Variants in CCDC171 observed in about 807,000 individuals in gnomAD.
The protein encoded by CCDC171 is coiled-coil domain containing 171.
Under a neutral mutation model 168.2 loss-of-function variants are expected in CCDC171, and 177 were observed. That is an observed-to-expected ratio of 1.05 (90% CI 0.93 to 1.19). CCDC171 has a LOEUF of 1.19. Ranked by LOEUF, CCDC171 falls within the 50% of genes most tolerant of loss-of-function variation. The pLI, the probability that CCDC171 is intolerant of heterozygous loss-of-function variation, is 0.00. For synonymous variants in CCDC171, 687 were observed against 540.8 expected, an observed-to-expected ratio of 1.27 and a Z score of -3.75; for missense variants, 1,991 against 1,539.0, an observed-to-expected ratio of 1.29 and a Z score of -4.91.
intron 23 of CCDC171, among the ~76,000 whole-genome samples, chr9:15,852,940 A>T (rs1273221638): frequency 6.6e-6 from 1 of 151,564 alleles, no homozygotes; most frequent in Non-Finnish European, 1.5e-5. Flanking sequence ...TGTTCCATTG[A>T]ATTGTATGTC....
intron 18 of CCDC171, among the ~76,000 whole-genome samples, chr9:15,746,444 G>T (rs995786794): frequency 6.6e-6 from 1 of 152,184 alleles, no homozygotes. Context: ...ATCGATGTTG[G>T]TAAGCAATGC....
chr9:15,673,564 T>C (rs757328600), intron 9 of CCDC171, among the ~76,000 whole-genome samples: 6 of 152,198 alleles, frequency 3.9e-5, no homozygotes, highest in Non-Finnish European at 5.9e-5. Context: ...TGAAGGGCTA[T>C]TGAGTTCTGT....
chr9:15,608,679 T>C (rs2131798665), intron 6 of CCDC171, among the ~76,000 whole-genome samples: 1 of 151,148 alleles, frequency 6.6e-6, no homozygotes, highest in African/African-American at 2.4e-5. Flanking sequence ...TGGCTGGGGG[T>C]GGTGGCTCCT....
At chr9:16,020,095 T>A (rs1156552001) in intron 3 of CCDC171, among the ~76,000 whole-genome samples, 2 of 152,162 alleles carry the variant, frequency 1.3e-5, no homozygotes, top group Non-Finnish European at 2.9e-5. Context: ...AAATTTAAAA[T>A]CCAAAAGCTC....
rs577786229 is a variant in CCDC171 at position 16,027,021 on chromosome 9, A to G, written n.998+4113A>G. 3.3e-5 allele frequency among the ~76,000 whole-genome samples: 5 copies of G among 152,314 alleles called. No individual in the cohort carries two copies. In the South Asian group the frequency reaches 1.0e-3, roughly 32 times the overall value. On this transcript the variant is annotated intron_variant and non_coding_transcript_variant, in intron 6 of 9. Coordinates refer to the CCDC171 transcript ENST00000486641. The stretch of plus-strand genomic sequence containing the variant: ...GGCCTATGCCTCGGGCTTATGAGCT[A>G]TCAGTTCTATGCCTTGATATTGCAC...
At chr9:15,703,143 C>T (rs1463845765) in intron 11 of CCDC171, among the ~76,000 whole-genome samples, 4 of 152,196 alleles carry the variant, frequency 2.6e-5, no homozygotes, top group East Asian at 3.9e-4. Flanking sequence ...TGACCTTAAG[C>T]GGTCTGCCCG....
chr9:16,089,495 G>C, the CCDC171 span, among the ~76,000 whole-genome samples: 1 of 151,234 alleles, frequency 6.6e-6, no homozygotes, highest in African/African-American at 2.4e-5. Flanking sequence ...TTCTTCTAGA[G>C]TTTTTATGGT....
intron 9 of CCDC171, among the ~76,000 whole-genome samples, chr9:15,677,925 T>TGTATATA (rs2049743945): frequency 2.4e-5 from 1 of 41,868 alleles, no homozygotes; most frequent in East Asian, 1.5e-3. Context: ...TATATATATA[T>TGTATATA]AAGAGATGTG....
chr9:15,612,961 C>G (rs1007870181), intron 6 of CCDC171, among the ~76,000 whole-genome samples: 5 of 152,124 alleles, frequency 3.3e-5, no homozygotes, highest in Non-Finnish European at 7.4e-5. Flanking sequence ...GTGGGTGGTC[C>G]TAGGCTCTGT....
rs376907295 is a variant in CCDC171, at chr9:15,745,571, G to T, written c.2611G>T (p.Asp871Tyr). The T allele has an allele frequency of 1.1e-5, 18 of 1,591,110 alleles. No individual in the cohort carries two copies. The African/African-American group carries it at 2.5e-4, about 22-fold the overall frequency. ...AGCGCTCAGTTGGCTCACCAGTTCTGACCTTCTTGCTGCAATAATCAGTTC... is the reference window on the plus strand; with the variant it reads ...AGCGCTCAGTTGGCTCACCAGTTCTTACCTTCTTGCTGCAATAATCAGTTC... ...LQALSWLTSS[D>Y]LLAAIISSMA... Residue 871 changes from aspartate (D) to tyrosine (Y), a missense_variant, in exon 18 of 26, where the codon GAC becomes TAC. Coordinates refer to ENST00000380701, the MANE Select transcript of CCDC171 (RefSeq NM_173550.4).
intron 24 of CCDC171, among the ~76,000 whole-genome samples, chr9:15,880,184 A>G (rs1185573248): frequency 6.6e-6 from 1 of 152,148 alleles, no homozygotes; most frequent in Non-Finnish European, 1.5e-5. Context: ...TTGCTTTCTA[A>G]GTCCATGACT....
chr9:15,777,946 T>C (rs1297232029), intron 19 of CCDC171, 120 bp downstream of exon 19: 2 of 658,254 alleles, frequency 3.0e-6, no homozygotes, highest in Admixed American at 3.6e-5. Flanking sequence ...TCTTTATAGT[T>C]CATGTAAAAT....
At chr9:15,645,675 AG>A (rs1196594636) in intron 7 of CCDC171, among the ~76,000 whole-genome samples, 1 of 152,200 alleles carries the variant, frequency 6.6e-6, no homozygotes, top group African/African-American at 2.4e-5. Context: ...AATGAAATGA[AG>A]TGATAAGAGA....
At chr9:15,695,955 G>T (rs1427131118) in intron 11 of CCDC171, among the ~76,000 whole-genome samples, 1 of 152,170 alleles carries the variant, frequency 6.6e-6, no homozygotes, top group Non-Finnish European at 1.5e-5. Flanking sequence ...GCTGGCTAAT[G>T]AATTCTGTTC....
chr9:15,751,315 A>G (rs963777428), intron 18 of CCDC171, among the ~76,000 whole-genome samples: 4 of 152,252 alleles, frequency 2.6e-5, no homozygotes, highest in Non-Finnish European at 5.9e-5. Context: ...GCTCATGGAT[A>G]GGAAGAATCA....
chr9:15,685,106 A>G (rs1473970699), intron 10 of CCDC171, among the ~76,000 whole-genome samples: 1 of 152,236 alleles, frequency 6.6e-6, no homozygotes, highest in Non-Finnish European at 1.5e-5. Context: ...GTTTAGAATT[A>G]TAGCGTTTGT....
chr9:15,680,187 T>C (rs1195023975), intron 10 of CCDC171, among the ~76,000 whole-genome samples: 1 of 152,234 alleles, frequency 6.6e-6, no homozygotes, highest in Non-Finnish European at 1.5e-5. Context: ...TAGATTCCAC[T>C]ATAGTACTTG....
At chr9:15,560,823 A>T (rs987075561) in intron 1 of CCDC171, among the ~76,000 whole-genome samples, 5 of 148,596 alleles carry the variant, frequency 3.4e-5, no homozygotes, top group Non-Finnish European at 3.0e-5. Flanking sequence ...TGATTTTTAG[A>T]ATTTTCAGCT....
chr9:15,588,580 G>A lies in CCDC171; in HGVS notation c.353-2786G>A, dbSNP rs984326343. 1.2e-5 allele frequency: 4 copies of A among 320,070 alleles called. No individual in the cohort carries two copies. The East Asian group carries it at 3.6e-4, about 29-fold the overall frequency. 19.8% of individuals were successfully genotyped at this position (320,070 alleles called of 1,614,324 possible). ...AAATGGAGATGCCAAAACAGACCAG[G>A]CACAGGAAGCTCAGCGTGCTGGAGA... On this transcript the variant is annotated intron_variant, in intron 4 of 25. Transcript: ENST00000380701.
Sources: allele counts gnomAD v4.1 joint callset (sites outside exome capture counted in the v4.1 genomes callset), GRCh38; gene constraint gnomAD v4.1.1; transcripts MANE v1.5; gene names NCBI Gene and HGNC (gene_info 2026-07-23, HGNC 2026-07-21).